SDHA: variants seen among roughly 807,000 people sequenced by gnomAD.
SDHA encodes succinate dehydrogenase complex flavoprotein subunit A.
Under a neutral mutation model 78.4 loss-of-function variants are expected in SDHA, and 48 were observed. The ratio of observed to expected loss-of-function variants is 0.61; its 90% confidence interval spans 0.49 to 0.78. SDHA has a LOEUF of 0.78. SDHA is among the 30% of genes least tolerant of loss of function. The pLI is 0.00. For synonymous variants in SDHA, 326 were observed against 353.9 expected, an observed-to-expected ratio of 0.92 and a Z score of 0.88; for missense variants, 680 against 892.7, an observed-to-expected ratio of 0.76 and a Z score of 3.04.
At chr5:256,144 CAT>C (rs1429888720) in intron 14 of SDHA, among the ~76,000 whole-genome samples, 188 bp from the exon 15 acceptor site, 5 of 152,214 alleles carry the variant, frequency 3.3e-5, no homozygotes, top group Admixed American at 6.5e-5. Context: ...ATGGTTTAAA[CAT>C]AAAGTGTCTT....
At chr5:268,550 A>G in the SDHA span, among the ~76,000 whole-genome samples, 1 of 152,156 alleles carries the variant, frequency 6.6e-6, no homozygotes, top group African/African-American at 2.4e-5. Context: ...GATGATGCAG[A>G]AAAAGCACAA....
At position 256,823 on chromosome 5, in the gene SDHA, C is replaced by CTTTTTTTTTTTTTTTTTTTTTTTTTTTT. The variant is rs758468864; in HGVS notation, c.*407_*408insTTTTTTTTTTTTTTTTTTTTTTTTTTTT. The CTTTTTTTTTTTTTTTTTTTTTTTTTTTT allele has an allele frequency of 9.1e-6, 2 of 218,898 alleles. 1 individual carries two copies. Among genetic ancestry groups the CTTTTTTTTTTTTTTTTTTTTTTTTTTTT allele is most frequent in the African/African-American group, 5.3e-5 (2 of 37,486 alleles). The allele number at this position is 218,898 out of a possible 1,614,324, so 13.6% of individuals were successfully genotyped here. On this transcript the variant is annotated 3_prime_UTR_variant, in exon 15 of 15. Transcript: ENST00000264932. ...TTTGTATAGTTTCTTTTTTCTTTTT[C>CTTTTTTTTTTTTTTTTTTTTTTTTTTTT]TTTTCTTTTTTTTTTTTGAGACAGG...
Position 232,863 on chromosome 5 carries a change from G to A in SDHA, c.896-614G>A, listed in dbSNP as rs760474739. On this transcript the variant is annotated intron_variant, in intron 7 of 14. Transcript: ENST00000264932. ...AGAGCCGCTGTTTGGAGCACAGACC[G>A]CCGGACTACCCAGGTTTGGGTTTGA... Among the ~76,000 whole-genome samples, 20 of 152,116 alleles carry A rather than the reference G, an allele frequency of 1.3e-4. 1 individual carries two copies. Among genetic ancestry groups the A allele is most frequent in the Admixed American group, 9.8e-4 (15 of 15,282 alleles).
chr5:232,509 C>T (rs1158472516), intron 7 of SDHA, among the ~76,000 whole-genome samples: 2 of 152,198 alleles, frequency 1.3e-5, no homozygotes, highest in Non-Finnish European at 2.9e-5. Flanking sequence ...CCATGAGCCA[C>T]TGCACCCGGC....
intron 11 of SDHA, 84 bp downstream of exon 11, chr5:240,560 TA>T: frequency 2.3e-6 from 2 of 878,008 alleles, no homozygotes. Context: ...AAACTAGATC[TA>T]GGGGGATGCA....
chr5:254,519 C>G lies in SDHA; in HGVS notation c.1908+13C>G, dbSNP rs753259176. ...TGGCACTGGGAAGGTCAGTGTGGAG[C>G]TCGTTCTCACCACAGCCCAGCACCC... On this transcript the variant is annotated intron_variant, in intron 14 of 14. Transcript: ENST00000264932. 11 of 1,542,448 alleles carry G rather than the reference C, an allele frequency of 7.1e-6. No homozygotes were observed. The highest frequency in any genetic ancestry group is 9.6e-6 in the Non-Finnish European group (11 of 1,142,224).
rs775350508 is a variant in SDHA, at chr5:251,353, C to T, written c.1679C>T (p.Thr560Met). 39 of 1,613,318 alleles carry T rather than the reference C, an allele frequency of 2.4e-5. No individual in the cohort carries two copies. Among genetic ancestry groups the T allele is most frequent in the Middle Eastern group, 1.7e-4 (1 of 5,996 alleles). ...KTFDRGMVWNTDLVETLELQN... is the reference protein window; with the variant it reads ...KTFDRGMVWNMDLVETLELQN... The stretch of plus-strand genomic sequence containing the variant: ...GTGTCCCCAGGAATGGTCTGGAACA[C>T]GGACCTGGTGGAGACCCTGGAGCTG... The change falls in exon 13 of 15, where the codon ACG becomes ATG. Residue 560 changes from threonine (T) to methionine (M), a missense_variant. Transcript: ENST00000264932.
chr5:245,447 G>A (rs1191151055), intron 11 of SDHA, among the ~76,000 whole-genome samples: 3 of 152,198 alleles, frequency 2.0e-5, no homozygotes, highest in Non-Finnish European at 2.9e-5. Context: ...AAAGTGTTGC[G>A]ACAAGGCATG....
chr5:241,477 G>GTGC (rs1354059455), intron 11 of SDHA, among the ~76,000 whole-genome samples: 1 of 152,180 alleles, frequency 6.6e-6, no homozygotes, highest in African/African-American at 2.4e-5. Flanking sequence ...TCTGTGGCCT[G>GTGC]TGCTGCTGGG....
At chr5:251,153 G>C in intron 12 of SDHA, 50 bp downstream of exon 12, 2 of 1,591,666 alleles carry the variant, frequency 1.3e-6, no homozygotes, top group African/African-American at 1.3e-5. Flanking sequence ...TCCTTCTGCA[G>C]GGTGGGCTGG....
the SDHA span, among the ~76,000 whole-genome samples, chr5:263,866 ACT>A: frequency 1.3e-3 from 195 of 152,278 alleles, no homozygotes; most frequent in African/African-American, 4.5e-3. Context: ...CTCAAAAAAA[ACT>A]CTGGCAAAAA....
At chr5:268,340 G>A in the SDHA span, among the ~76,000 whole-genome samples, 2 of 151,950 alleles carry the variant, frequency 1.3e-5, no homozygotes, top group East Asian at 3.9e-4. Context: ...CTGCCACCAC[G>A]TCTGGCTAAT....
chr5:223,547 A>G lies in SDHA; in HGVS notation c.129A>G (p.Ala43=). ...FHFTVDGNKR[A]SAKVSDSISA... is the part of the protein sequence containing the mutation. Reference sequence around the variant, plus strand: ...TCACTGTTGATGGGAACAAGAGGGCATCTGCTAAAGTTTCAGATTCCGTAA... The same window carrying G: ...TCACTGTTGATGGGAACAAGAGGGCGTCTGCTAAAGTTTCAGATTCCGTAA... The change falls in exon 2 of 15, where the codon GCA becomes GCG. Residue 43 remains alanine, a synonymous_variant. Transcript: ENST00000264932. The G allele has an allele frequency of 6.2e-7, 1 of 1,613,638 alleles. No individual in the cohort carries two copies. Among genetic ancestry groups the G allele is most frequent in the South Asian group, 1.1e-5 (1 of 91,070 alleles).
At position 251,345 on chromosome 5, in the gene SDHA, C is replaced by A. The variant is rs767963713; in HGVS notation, c.1671C>A (p.Val557=). ...KHLKTFDRGM[V]WNTDLVETLE... The stretch of plus-strand genomic sequence containing the variant: ...AACTTTTTGTGTCCCCAGGAATGGT[C>A]TGGAACACGGACCTGGTGGAGACCC... The change falls in exon 13 of 15, where the codon GTC becomes GTA. Residue 557 remains valine (V), a synonymous_variant. Transcript: ENST00000264932. 12 of 1,613,224 alleles carry A rather than the reference C, an allele frequency of 7.4e-6. No individual in the cohort carries two copies. The East Asian group carries it at 2.5e-4, about 33-fold the overall frequency.
intron 7 of SDHA, among the ~76,000 whole-genome samples, chr5:231,904 G>C (rs1328759331): frequency 6.6e-6 from 1 of 152,178 alleles, no homozygotes; most frequent in African/African-American, 2.4e-5. Context: ...GGGAAGATGA[G>C]CTCGTCTTGG....
intron 11 of SDHA, among the ~76,000 whole-genome samples, chr5:242,062 A>G (rs1736174361): frequency 6.6e-6 from 1 of 152,262 alleles, no homozygotes; most frequent in Non-Finnish European, 1.5e-5. Context: ...CCCAGGCTCC[A>G]CGAGATGCTG....
the SDHA span, among the ~76,000 whole-genome samples, chr5:266,824 T>C: frequency 0.022 from 2,093 of 95,502 alleles, 163 homozygotes; most frequent in African/African-American, 0.099. Context: ...GTGGCCGCTG[T>C]CTGTAAGATA....
At chr5:227,284 G>A (rs62347676) in intron 5 of SDHA, among the ~76,000 whole-genome samples, 36,553 of 152,124 alleles carry the variant, frequency 0.24, 6,831 homozygotes, top group African/African-American at 0.52. Flanking sequence ...TGCTGGGATT[G>A]CAGGCGTGAG....
intron 2 of SDHA, 121 bp downstream of exon 2, chr5:223,689 A>G: frequency 1.4e-6 from 1 of 712,564 alleles, no homozygotes; most frequent in South Asian, 1.5e-5. Context: ...TAGGTATCCA[A>G]TGCATGCTGA....
Sources: gnomAD v4.1 joint callset for allele counts (sites outside exome capture counted in the v4.1 genomes callset) on GRCh38, gnomAD v4.1.1 for gene constraint, MANE v1.5 for transcripts, NCBI Gene and HGNC (gene_info 2026-07-23, HGNC 2026-07-21) for gene names.